The following OR3A2 variants were observed in gnomAD, a reference collection of about 807,000 sequenced individuals.
OR3A2 encodes olfactory receptor 3A2.
For synonymous variants in OR3A2, 126 were observed against 159.3 expected (o/e 0.79, Z 1.57); for missense variants, 318 against 392.8 (o/e 0.81, Z 1.61).
At chr17:3,363,078 T>C (rs2049532062) in intron 2 of OR3A2, among the ~76,000 whole-genome samples, 1 of 151,774 alleles carries the variant, frequency 6.6e-6, no homozygotes, top group African/African-American at 2.4e-5. Flanking sequence ...GGAGAGGCTG[T>C]GAAGAAGATC....
At chr17:3,354,642 TTCTC>T (rs1043376529) in intron 2 of OR3A2, among the ~76,000 whole-genome samples, 5 of 151,424 alleles carry the variant, frequency 3.3e-5, no homozygotes, top group African/African-American at 1.2e-4. Flanking sequence ...TTATTTGGTC[TTCTC>T]TCTTTTTTTC....
intron 3 of OR3A2, among the ~76,000 whole-genome samples, chr17:3,302,634 G>A (rs552101359): frequency 2.0e-5 from 3 of 152,280 alleles, no homozygotes; most frequent in South Asian, 2.1e-4. Flanking sequence ...TTTAAATATA[G>A]TTGCACTAAT....
At chr17:3,337,340 A>G (rs2049281190) in intron 2 of OR3A2, among the ~76,000 whole-genome samples, 1 of 152,128 alleles carries the variant, frequency 6.6e-6, no homozygotes, top group Non-Finnish European at 1.5e-5. Context: ...TTTGTTATAT[A>G]TGTATACATG....
At chr17:3,361,829 T>C (rs1040628682) in intron 2 of OR3A2, among the ~76,000 whole-genome samples, 8 of 151,664 alleles carry the variant, frequency 5.3e-5, no homozygotes, top group Non-Finnish European at 1.2e-4. Flanking sequence ...AGTATTTTAT[T>C]GAGGATTTTT....
chr17:3,358,348 A>C (rs1380813403), intron 2 of OR3A2, among the ~76,000 whole-genome samples: 2 of 151,388 alleles, frequency 1.3e-5, no homozygotes, highest in Admixed American at 6.6e-5. Context: ...TTGCTTCTTT[A>C]ATCTTTGACT....
At chr17:3,316,697 A>G (rs9903461) in intron 3 of OR3A2, among the ~76,000 whole-genome samples, 22,976 of 152,116 alleles carry the variant, frequency 0.15, 2,282 homozygotes, top group African/African-American at 0.28. Flanking sequence ...CAGATGACAG[A>G]TTCGGTGACT....
In OR3A2 at chr17:3,321,774, T is replaced by C. The variant is rs564453320; in HGVS notation, c.-85+14259A>G. Reference sequence around the variant, plus strand: ...AAGCTTTTTGATGTGCTGCTGGATTTGGTTTGCCAGTATTTTATTGAGGAT... The same window carrying C: ...AAGCTTTTTGATGTGCTGCTGGATTCGGTTTGCCAGTATTTTATTGAGGAT... On this transcript the variant is annotated intron_variant, in intron 3 of 4. Coordinates refer to the OR3A2 transcript ENST00000573491. 1.2e-3 allele frequency among the ~76,000 whole-genome samples: 183 copies of C among 152,196 alleles called. No homozygotes were observed. The East Asian group carries it at 0.02, about 17-fold the overall frequency.
intron 2 of OR3A2, among the ~76,000 whole-genome samples, chr17:3,368,518 T>C (rs541165271): frequency 1.3e-5 from 2 of 152,314 alleles, no homozygotes; most frequent in East Asian, 1.9e-4. Context: ...TAGCTTTTCG[T>C]TGCTTTGTCA....
intron 2 of OR3A2, among the ~76,000 whole-genome samples, chr17:3,371,694 G>T (rs1342646128): frequency 7.9e-6 from 1 of 127,360 alleles, no homozygotes; most frequent in African/African-American, 3.0e-5. Context: ...CCGGGCGGGG[G>T]TGCTGACCCC....
chr17:3,288,933 A>G (rs922869838), upstream of OR3A2, among the ~76,000 whole-genome samples: 2 of 152,180 alleles, frequency 1.3e-5, no homozygotes, highest in Non-Finnish European at 1.5e-5. Flanking sequence ...AATTACATCA[A>G]TGGGGTGTGG....
At chr17:3,371,828 C>A (rs1286616479) in intron 2 of OR3A2, among the ~76,000 whole-genome samples, 1 of 102,430 alleles carries the variant, frequency 9.8e-6, no homozygotes, top group Non-Finnish European at 1.8e-5. Flanking sequence ...GGGGGGCTGA[C>A]CTCCCCACCA....
At chr17:3,307,344 C>T (rs951285877) in intron 3 of OR3A2, among the ~76,000 whole-genome samples, 3 of 152,210 alleles carry the variant, frequency 2.0e-5, no homozygotes, top group African/African-American at 7.2e-5. Flanking sequence ...TAGCCTCTTA[C>T]AAGGACAGCT....
intron 3 of OR3A2, among the ~76,000 whole-genome samples, chr17:3,326,469 T>C (rs1474533978): frequency 6.6e-6 from 1 of 151,988 alleles, no homozygotes; most frequent in Admixed American, 6.6e-5. Context: ...GGAACATAAA[T>C]TGTGGAGATT....
chr17:3,366,946 G>A (rs768354066), intron 2 of OR3A2, among the ~76,000 whole-genome samples: 2 of 152,216 alleles, frequency 1.3e-5, no homozygotes, highest in African/African-American at 2.4e-5. Flanking sequence ...CTGGCCCTGA[G>A]ACAAATTATA....
At chr17:3,374,948 G>T (rs1024885134) in intron 2 of OR3A2, among the ~76,000 whole-genome samples, 6 of 151,934 alleles carry the variant, frequency 3.9e-5, no homozygotes, top group African/African-American at 1.2e-4. Flanking sequence ...TTATGAGTGG[G>T]AACATACAAT....
chr17:3,345,684 T>C (rs2049358205), intron 2 of OR3A2, among the ~76,000 whole-genome samples: 1 of 151,986 alleles, frequency 6.6e-6, no homozygotes, highest in Admixed American at 6.6e-5. Context: ...GAAAAATTGA[T>C]GGATAATAGG....
chr17:3,335,483 C>T (rs1246860599), intron 3 of OR3A2, among the ~76,000 whole-genome samples: 1 of 152,124 alleles, frequency 6.6e-6, no homozygotes, highest in Admixed American at 6.6e-5. Flanking sequence ...TGCCCCACCC[C>T]TACTGATTTG....
chr17:3,364,929 GCA>G (rs1246557705), intron 2 of OR3A2, among the ~76,000 whole-genome samples: 19 of 148,862 alleles, frequency 1.3e-4, no homozygotes, highest in African/African-American at 1.5e-4. Flanking sequence ...AAAAAAAAAA[GCA>G]ATTAATTACA....
At chr17:3,306,674 C>A (rs1180578561) in intron 3 of OR3A2, among the ~76,000 whole-genome samples, 2 of 65,784 alleles carry the variant, frequency 3.0e-5, no homozygotes, top group Non-Finnish European at 4.9e-5. Context: ...TGCTCTACTA[C>A]TCTTCAAAAA....
Sources: allele counts gnomAD v4.1 joint callset (sites outside exome capture counted in the v4.1 genomes callset), GRCh38; gene constraint gnomAD v4.1.1; transcripts MANE v1.5; gene names NCBI Gene and HGNC (gene_info 2026-07-23, HGNC 2026-07-21).